FOXN3: variants seen among roughly 807,000 people sequenced by gnomAD.
FOXN3 encodes the protein forkhead box N3.
Under a neutral mutation model 38.4 loss-of-function variants are expected in FOXN3, and 7 were observed. That is an observed-to-expected ratio of 0.18 (90% confidence interval 0.10 to 0.34). The LOEUF (loss-of-function observed/expected upper bound fraction) is 0.34. FOXN3 is among the 10% of genes least tolerant of loss of function. The pLI is 1.00. For missense variants in FOXN3, 456 were observed against 613.4 expected (o/e 0.74, Z 2.71); for synonymous variants, 230 against 242.2 (o/e 0.95, Z 0.47).
rs570028328 is a variant in FOXN3, at chr14:89,156,710, G to A, written c.*5704C>T. The A allele has an allele frequency of 1.3e-5, 2 of 151,766 alleles. No homozygotes were observed. The highest frequency in any genetic ancestry group is 2.4e-5 in the African/African-American group (1 of 41,362). 9.4% of individuals were successfully genotyped at this position (151,766 alleles called of 1,614,324 possible). ...TCAGAGTATTAAAAAATGTACAAGT[G>A]TATATGCTTCCCAGACACACATGGA... On this transcript the variant is annotated 3_prime_UTR_variant, in exon 6 of 6. Coordinates refer to ENST00000557258, the MANE Select transcript of FOXN3 (RefSeq NM_005197.4).
chr14:89,375,304 G>GT (rs892429252), intron 2 of FOXN3, among the ~76,000 whole-genome samples: 4 of 151,764 alleles, frequency 2.6e-5, no homozygotes, highest in East Asian at 1.9e-4. Context: ...CCTCAATGAA[G>GT]TTTTTTTTAA....
chr14:89,419,260 A>C, upstream of FOXN3: 2 of 451,222 alleles, frequency 4.4e-6, no homozygotes, highest in Non-Finnish European at 4.5e-6. Flanking sequence ...CTGTCGGTCT[A>C]TCTGAAATGG....
At chr14:89,401,418 G>A (rs1891240656) in intron 2 of FOXN3, among the ~76,000 whole-genome samples, 1 of 152,178 alleles carries the variant, frequency 6.6e-6, no homozygotes. Context: ...ACTCCAGCCT[G>A]GGTGACTCAA....
At chr14:89,594,411 G>A (rs1238648459) in intron 1 of FOXN3, among the ~76,000 whole-genome samples, 2 of 152,184 alleles carry the variant, frequency 1.3e-5, no homozygotes. Context: ...CATTGTGGTG[G>A]ACATGGAGTC....
At chr14:89,584,735 CAG>C (rs1462166891) in intron 1 of FOXN3, among the ~76,000 whole-genome samples, 1 of 151,068 alleles carries the variant, frequency 6.6e-6, no homozygotes, top group Non-Finnish European at 1.5e-5. Flanking sequence ...TCTTTTTTGA[CAG>C]AGTCTCACTC....
intron 3 of FOXN3, among the ~76,000 whole-genome samples, chr14:89,298,684 C>T (rs1288122229): frequency 6.6e-6 from 1 of 152,154 alleles, no homozygotes; most frequent in Non-Finnish European, 1.5e-5. Context: ...TTTTCTCTCA[C>T]TCATCCATTC....
intron 4 of FOXN3, among the ~76,000 whole-genome samples, chr14:89,201,693 T>G (rs149859552): frequency 6.6e-6 from 1 of 152,328 alleles, no homozygotes; most frequent in East Asian, 1.9e-4. Context: ...GCATCTTTCT[T>G]GAGTCTGTTT....
intron 3 of FOXN3, among the ~76,000 whole-genome samples, chr14:89,302,013 C>T (rs984131358): frequency 2.0e-5 from 3 of 152,084 alleles, no homozygotes; most frequent in African/African-American, 4.8e-5. Flanking sequence ...AACTGTCCCA[C>T]GTGTCCCTCT....
intron 1 of FOXN3, among the ~76,000 whole-genome samples, chr14:89,500,469 AGGAG>A (rs1893772830): frequency 4.6e-5 from 7 of 152,232 alleles, no homozygotes; most frequent in Admixed American, 2.6e-4. Flanking sequence ...CTTATTCAAT[AGGAG>A]AGGTCAGGGA....
chr14:89,320,369 A>C (rs890398074), intron 3 of FOXN3, among the ~76,000 whole-genome samples: 3 of 152,242 alleles, frequency 2.0e-5, no homozygotes, highest in African/African-American at 7.2e-5. Flanking sequence ...TTCAAACAAA[A>C]GGTTTGTAAC....
intron 1 of FOXN3, among the ~76,000 whole-genome samples, chr14:89,448,300 G>A (rs1023483974): frequency 2.0e-5 from 3 of 152,172 alleles, no homozygotes; most frequent in African/African-American, 7.2e-5. Context: ...CACAGGTCAA[G>A]GAGGTGATTT....
chr14:89,172,516 A>T (rs1404968798), intron 5 of FOXN3, among the ~76,000 whole-genome samples: 4 of 152,224 alleles, frequency 2.6e-5, no homozygotes, highest in Non-Finnish European at 5.9e-5. Flanking sequence ...TATCAAGCTG[A>T]TTATAAAGTT....
chr14:89,610,059 C>G (rs996999721), intron 1 of FOXN3, among the ~76,000 whole-genome samples: 2 of 152,028 alleles, frequency 1.3e-5, no homozygotes, highest in African/African-American at 2.4e-5. Flanking sequence ...GGCTGAAAAA[C>G]CACTCTGCCA....
intron 4 of FOXN3, among the ~76,000 whole-genome samples, chr14:89,243,787 C>G (rs964037894): frequency 2.0e-5 from 3 of 152,178 alleles, no homozygotes; most frequent in African/African-American, 7.2e-5. Context: ...TTTCCACAAC[C>G]TATGGAAGTG....
chr14:89,462,556 C>T lies in FOXN3; in HGVS notation c.-14-50066G>A, dbSNP rs897911083. The stretch of plus-strand genomic sequence containing the variant: ...ACTGGAAAGTCCAAGGTCAATGGGC[C>T]ACATCTGGTGAAGGCCTTCTTCCTG... On this transcript the variant is annotated intron_variant, in intron 1 of 6. Coordinates refer to the FOXN3 transcript ENST00000345097. Among the ~76,000 whole-genome samples, 2 of 152,124 alleles carry T rather than the reference C, an allele frequency of 1.3e-5. 1 individual carries two copies. Among genetic ancestry groups the T allele is most frequent in the East Asian group, 3.9e-4 (2 of 5,192 alleles).
At chr14:89,329,344 C>A (rs893971483) in intron 3 of FOXN3, among the ~76,000 whole-genome samples, 1 of 152,184 alleles carries the variant, frequency 6.6e-6, no homozygotes, top group South Asian at 2.1e-4. Flanking sequence ...AAGTCCTCAA[C>A]ATTTAAAACT....
intron 4 of FOXN3, among the ~76,000 whole-genome samples, chr14:89,262,107 G>GA (rs939283429): frequency 5.4e-4 from 78 of 144,582 alleles, no homozygotes; most frequent in East Asian, 4.8e-3. Flanking sequence ...TGTCTCAAAA[G>GA]AAAAAAAAAA....
chr14:89,206,651 A>G (rs1888393960), intron 4 of FOXN3, among the ~76,000 whole-genome samples: 1 of 152,186 alleles, frequency 6.6e-6, no homozygotes, highest in Admixed American at 6.5e-5. Context: ...CGTACCATGA[A>G]AACCATATTT....
At chr14:89,461,087 A>G (rs990954219) in intron 1 of FOXN3, among the ~76,000 whole-genome samples, 6 of 151,774 alleles carry the variant, frequency 4.0e-5, no homozygotes, top group Admixed American at 6.6e-5. Context: ...TAATCCCAGC[A>G]CTTTGGGAGG....
Sources: allele counts gnomAD v4.1 joint callset (sites outside exome capture counted in the v4.1 genomes callset), GRCh38; gene constraint gnomAD v4.1.1; transcripts MANE v1.5; gene names NCBI Gene and HGNC (gene_info 2026-07-23, HGNC 2026-07-21).